ITPR2: variants seen among roughly 807,000 people sequenced by gnomAD.
ITPR2 encodes the protein inositol 1,4,5-trisphosphate-gated calcium channel ITPR2.
ITPR2 carries 207 observed loss-of-function variants against 317.1 expected under a neutral mutation model. That is an observed-to-expected ratio of 0.65 (90% confidence interval 0.58 to 0.73). The LOEUF is 0.73. ITPR2 is among the 30% of genes least tolerant of loss of function. The probability of loss-of-function intolerance (pLI) is 0.00; values close to 1 mark genes in which losing one functional copy is unlikely to be tolerated. For synonymous variants in ITPR2, 1,156 were observed against 1,149.1 expected (o/e 1.01, Z -0.12); for missense variants, 2,613 against 3,284.0 (o/e 0.80, Z 4.99).
At chr12:26,531,500 C>T (rs1174408179) in intron 37 of ITPR2, among the ~76,000 whole-genome samples, 15 of 152,168 alleles carry the variant, frequency 9.9e-5, no homozygotes, top group Admixed American at 9.8e-4. Context: ...CTTTGTGACC[C>T]ATCTAAAGCA....
chr12:26,390,475 T>C (rs778759181), intron 54 of ITPR2, among the ~76,000 whole-genome samples: 25 of 152,160 alleles, frequency 1.6e-4, no homozygotes, highest in Non-Finnish European at 1.5e-4. Flanking sequence ...TAAAACATCC[T>C]ACTAAGTGAA....
At chr12:26,806,892 T>C (rs1018967090) in intron 1 of ITPR2, among the ~76,000 whole-genome samples, 1 of 152,212 alleles carries the variant, frequency 6.6e-6, no homozygotes, top group Non-Finnish European at 1.5e-5. Flanking sequence ...TAAATGCATT[T>C]GAATCACCCT....
intron 56 of ITPR2, 52 bp downstream of exon 56, chr12:26,340,115 A>C: frequency 6.7e-7 from 1 of 1,493,296 alleles, no homozygotes; most frequent in East Asian, 2.4e-5. Context: ...CCCTCACCGG[A>C]AGTGGTGAAT....
chr12:26,589,813 TAAATAAATAAATAAATAAAC>T (rs1425237299), intron 32 of ITPR2, among the ~76,000 whole-genome samples: 3,404 of 36,044 alleles, frequency 0.094, 459 homozygotes, highest in Non-Finnish European at 0.12. Flanking sequence ...AAATAAAAAA[TAAATAAATAAATAAATAAAC>T]ATATATATAT....
chr12:26,670,249 A>G (rs1947731767), intron 13 of ITPR2, among the ~76,000 whole-genome samples: 1 of 152,216 alleles, frequency 6.6e-6, no homozygotes, highest in African/African-American at 2.4e-5. Context: ...TGCCTCCTCA[A>G]GTGGGTCCCT....
chr12:26,633,183 C>T (rs1296366995), intron 21 of ITPR2, among the ~76,000 whole-genome samples: 1 of 150,746 alleles, frequency 6.6e-6, no homozygotes, highest in Non-Finnish European at 1.5e-5. Flanking sequence ...AGAATGTAAA[C>T]CATGGTAATA....
chr12:26,561,110 TAAG>T (rs1944806668), intron 35 of ITPR2, among the ~76,000 whole-genome samples: 1 of 152,076 alleles, frequency 6.6e-6, no homozygotes, highest in Admixed American at 6.5e-5. Flanking sequence ...GGTATCCTTA[TAAG>T]AAGAAGGGAT....
intron 2 of ITPR2, among the ~76,000 whole-genome samples, chr12:26,729,010 T>C (rs1021472420): frequency 3.3e-5 from 5 of 152,232 alleles, no homozygotes; most frequent in African/African-American, 1.2e-4. Flanking sequence ...TTTACTTTGT[T>C]GACAGCTTCT....
Position 26,457,094 on chromosome 12 carries a change from G to C in ITPR2, c.6343-13444C>G, listed in dbSNP as rs145579131. On this transcript the variant is annotated intron_variant, in intron 45 of 56. Transcript: ENST00000381340. ...CCTGCCCTCCTAGAGCTGACTTTCTGTTGGTGGAGGAGACATAAACAAATA... is the reference window on the plus strand; with the variant it reads ...CCTGCCCTCCTAGAGCTGACTTTCTCTTGGTGGAGGAGACATAAACAAATA... Among the ~76,000 whole-genome samples, 18 of 152,334 alleles carry C rather than the reference G, an allele frequency of 1.2e-4. 1 individual carries two copies. Among genetic ancestry groups the C allele is most frequent in the African/African-American group, 4.3e-4 (18 of 41,574 alleles).
At chr12:26,593,164 C>A (rs1188194394) in intron 32 of ITPR2, among the ~76,000 whole-genome samples, 1 of 152,206 alleles carries the variant, frequency 6.6e-6, no homozygotes, top group African/African-American at 2.4e-5. Context: ...CTGTCTACTA[C>A]AGTGATTCTC....
chr12:26,506,383 C>T (rs888776182), intron 37 of ITPR2, among the ~76,000 whole-genome samples: 14 of 151,570 alleles, frequency 9.2e-5, no homozygotes. Flanking sequence ...GTGACATACG[C>T]CTGTGGTCCC....
chr12:26,613,157 T>A (rs1047630651), intron 26 of ITPR2, among the ~76,000 whole-genome samples: 21 of 152,190 alleles, frequency 1.4e-4, no homozygotes, highest in African/African-American at 1.9e-4. Flanking sequence ...CAAGTTAGCA[T>A]GAAAACAACG....
At position 26,495,203 on chromosome 12, in the gene ITPR2, C is replaced by G. The variant is rs753984780; in HGVS notation, c.5131G>C (p.Gly1711Arg). The part of the protein sequence containing the change: ...NRYFKGDYSI[G>R]VNGHLSGAYS... ...GCTCCTGATAGGTGTCCATTCACAC[C>G]AATACTATAATCACCTTTAAAGTAT... Residue 1711 changes from glycine (G) to arginine (R), a missense_variant, in exon 38 of 57, where the codon GGT (glycine) becomes CGT (arginine). Gly to Arg is a moderately radical substitution (Grantham distance 125). This residue lies in a region of ITPR2 where 926 missense variants were observed against 1,072.8 expected (regional missense o/e 0.86). Coordinates refer to ENST00000381340, the MANE Select transcript of ITPR2 (RefSeq NM_002223.4). 2 of 1,609,742 alleles carry G rather than the reference C, an allele frequency of 1.2e-6. No homozygotes were observed. The highest frequency in any genetic ancestry group is 1.7e-6 in the Non-Finnish European group (2 of 1,176,212).
At chr12:26,604,318 C>T (rs996238415) in intron 26 of ITPR2, among the ~76,000 whole-genome samples, 2 of 152,118 alleles carry the variant, frequency 1.3e-5, no homozygotes, top group Non-Finnish European at 2.9e-5. Context: ...CAAGTGACCC[C>T]CTCCTCCCAT....
chr12:26,488,355 T>A (rs774154656), intron 39 of ITPR2, among the ~76,000 whole-genome samples: 3 of 152,142 alleles, frequency 2.0e-5, no homozygotes, highest in Non-Finnish European at 4.4e-5. Context: ...AACAGCCAGT[T>A]TGGGGGAGTT....
At position 26,711,284 on chromosome 12, in the gene ITPR2, C is replaced by A; in HGVS notation, c.856-16G>T. On this transcript the variant is annotated splice_polypyrimidine_tract_variant and intron_variant, in intron 8 of 56. Coordinates refer to ENST00000381340, the MANE Select transcript of ITPR2 (RefSeq NM_002223.4). ...GATGAACCACCTACAAAGAGAGCAA[C>A]GATAGTAATGGCAAAACAATATTTA... 1.3e-6 allele frequency: 2 copies of A among 1,558,826 alleles called. No individual in the cohort carries two copies. The highest frequency in any genetic ancestry group is 2.2e-5 in the South Asian group (2 of 89,992).
intron 32 of ITPR2, among the ~76,000 whole-genome samples, chr12:26,593,096 G>A (rs1354466358): frequency 1.3e-5 from 2 of 152,160 alleles, no homozygotes; most frequent in Non-Finnish European, 2.9e-5. Context: ...GGCACAGTCT[G>A]GACTCGAACT....
chr12:26,565,093 A>G (rs555710293), intron 34 of ITPR2, among the ~76,000 whole-genome samples: 24 of 152,318 alleles, frequency 1.6e-4, no homozygotes, highest in Non-Finnish European at 3.4e-4. Context: ...AATCAAATGT[A>G]ATTCCCAAAC....
intron 22 of ITPR2, 36 bp from the exon 23 acceptor site, chr12:26,628,198 C>T: frequency 6.6e-7 from 1 of 1,526,340 alleles, no homozygotes; most frequent in Non-Finnish European, 8.9e-7. Flanking sequence ...AAATTTCTTT[C>T]ATTAGCATAG....
Sources: allele counts gnomAD v4.1 joint callset (sites outside exome capture counted in the v4.1 genomes callset), GRCh38; gene constraint gnomAD v4.1.1; regional missense constraint gnomAD v4.1.1; transcripts MANE v1.5; gene names NCBI Gene and HGNC (gene_info 2026-07-23, HGNC 2026-07-21).